The following GFOD2 variants were observed in gnomAD, a reference collection of about 807,000 sequenced individuals.
GFOD2 encodes the protein glucose-fructose oxidoreductase domain-containing protein 2.
A neutral mutation model predicts 24.6 loss-of-function variants in GFOD2; 9 were observed. That is an observed-to-expected ratio of 0.37 (90% CI 0.22 to 0.64). The LOEUF is 0.64. Ranked by LOEUF, GFOD2 falls within the 30% of genes least tolerant of loss-of-function variation. The pLI, the probability that GFOD2 is intolerant of heterozygous loss-of-function variation, is 0.65. For synonymous variants in GFOD2, 211 were observed against 224.8 expected, an observed-to-expected ratio of 0.94 and a Z score of 0.55; for missense variants, 476 against 532.5, an observed-to-expected ratio of 0.89 and a Z score of 1.04.
intron 1 of GFOD2, among the ~76,000 whole-genome samples, chr16:67,688,424 T>C (rs577571999): frequency 1.3e-5 from 2 of 152,330 alleles, no homozygotes; most frequent in Admixed American, 6.5e-5. Flanking sequence ...GTCTTATTCA[T>C]TGTAGAGTTT....
At chr16:67,692,452 C>T (rs926227048) in intron 1 of GFOD2, among the ~76,000 whole-genome samples, 3 of 151,796 alleles carry the variant, frequency 2.0e-5, no homozygotes, top group Non-Finnish European at 2.9e-5. Context: ...TGATTGTGCA[C>T]GCCTGTAGTC....
chr16:67,683,215 C>T, intron 2 of GFOD2: 1 of 1,036,550 alleles, frequency 9.6e-7, no homozygotes, highest in Non-Finnish European at 1.2e-6. Flanking sequence ...GATGCTGCTG[C>T]TGGTGGAGCA....
intron 1 of GFOD2, among the ~76,000 whole-genome samples, chr16:67,686,377 T>G (rs889714568): frequency 2.0e-5 from 3 of 152,312 alleles, no homozygotes; most frequent in Admixed American, 2.0e-4. Flanking sequence ...GGAAAATGAA[T>G]AAAGTTGAGT....
intron 1 of GFOD2, among the ~76,000 whole-genome samples, chr16:67,691,256 G>A (rs758214422): frequency 1.3e-5 from 2 of 152,102 alleles, no homozygotes; most frequent in Non-Finnish European, 2.9e-5. Context: ...TGCCCAGGCT[G>A]GAGTGCAATG....
rs1303727934 is a variant in GFOD2 at position 67,687,072 on chromosome 16, T to G, written c.-87-1270A>C. 2.1e-4 allele frequency among the ~76,000 whole-genome samples: 30 copies of G among 145,448 alleles called. No individual in the cohort carries two copies. The East Asian group carries it at 5.8e-3, about 28-fold the overall frequency. The stretch of plus-strand genomic sequence containing the variant: ...CTGAGGCAGGAGAATCACTTGAACC[T>G]GGGAGGTGAAAGTTGCAGTGATCTG... On this transcript the variant is annotated intron_variant, in intron 1 of 2. Transcript: ENST00000268797.
At chr16:67,701,785 TAA>T (rs1423659211) in intron 1 of GFOD2, among the ~76,000 whole-genome samples, 74 of 132,332 alleles carry the variant, frequency 5.6e-4, no homozygotes, top group Admixed American at 8.4e-4. Flanking sequence ...TGACCCCACT[TAA>T]AAAAAAAAAA....
chr16:67,697,947 T>C (rs2053370167), intron 1 of GFOD2, among the ~76,000 whole-genome samples: 1 of 152,174 alleles, frequency 6.6e-6, no homozygotes, highest in African/African-American at 2.4e-5. Context: ...GTTTGGACTT[T>C]GACAGGTGGG....
chr16:67,682,599 A>G (rs2053235428), intron 2 of GFOD2: 2 of 985,356 alleles, frequency 2.0e-6, no homozygotes, highest in African/African-American at 1.7e-5. Flanking sequence ...AGGTCAGACC[A>G]AAGCAGAAAA....
rs2053178525 is a variant in GFOD2, at chr16:67,675,614, C to T, written c.699G>A (p.Val233=). The T allele has an allele frequency of 4.3e-6, 7 of 1,613,162 alleles. No homozygotes were observed. In the East Asian group the frequency reaches 8.9e-5, roughly 21 times the overall value. ...CFFQMLMGGG[V]CSTVTLNFNM... is the part of the protein sequence containing the mutation. ...TGAAGTTGAGTGTCACTGTGCTACACACACCCCCACCCATGAGCATCTGGA... is the reference window on the plus strand; with the variant it reads ...TGAAGTTGAGTGTCACTGTGCTACATACACCCCCACCCATGAGCATCTGGA... Residue 233 remains valine (V), a synonymous_variant, in exon 3 of 3, where the codon GTG becomes GTA. Coordinates refer to ENST00000268797, the MANE Select transcript of GFOD2 (RefSeq NM_030819.4).
chr16:67,698,089 C>T (rs1476212756), intron 1 of GFOD2, among the ~76,000 whole-genome samples: 3 of 152,172 alleles, frequency 2.0e-5, no homozygotes, highest in Non-Finnish European at 4.4e-5. Context: ...CTGAGTCCAG[C>T]CAAGGGAAAG....
intron 2 of GFOD2, chr16:67,685,068 C>G: frequency 5.1e-6 from 6 of 1,173,178 alleles, no homozygotes; most frequent in Non-Finnish European, 6.4e-6. Flanking sequence ...GCTACACAGC[C>G]TCTCCTTCCT....
At chr16:67,712,029 T>C (rs2053477862) in intron 1 of GFOD2, among the ~76,000 whole-genome samples, 1 of 152,222 alleles carries the variant, frequency 6.6e-6, no homozygotes, top group Admixed American at 6.6e-5. Context: ...AAATTTTTTG[T>C]CTGTTTTGTT....
intron 2 of GFOD2, chr16:67,682,254 T>C (rs1395781149): frequency 1.5e-6 from 1 of 659,200 alleles, no homozygotes; most frequent in Non-Finnish European, 1.9e-6. Flanking sequence ...GTCAGGCTGG[T>C]CTCAAACTCC....
intron 1 of GFOD2, among the ~76,000 whole-genome samples, chr16:67,707,262 G>C (rs1157418941): frequency 6.6e-6 from 1 of 151,258 alleles, no homozygotes; most frequent in East Asian, 1.9e-4. Context: ...GGAGGCTAAG[G>C]CAGGAGAATT....
At chr16:67,703,914 T>TACC (rs1380770031) in intron 1 of GFOD2, among the ~76,000 whole-genome samples, 2 of 152,214 alleles carry the variant, frequency 1.3e-5, no homozygotes, top group Non-Finnish European at 2.9e-5. Flanking sequence ...CTGCCCTAGG[T>TACC]ACCTCACATA....
At chr16:67,690,976 C>T (rs2053308247) in intron 1 of GFOD2, among the ~76,000 whole-genome samples, 2 of 152,266 alleles carry the variant, frequency 1.3e-5, no homozygotes, top group Non-Finnish European at 1.5e-5. Flanking sequence ...GATTCTCATG[C>T]CTTAGCCTCC....
intron 1 of GFOD2, among the ~76,000 whole-genome samples, chr16:67,696,323 T>C (rs1229736996): frequency 6.6e-6 from 1 of 151,090 alleles, no homozygotes; most frequent in Non-Finnish European, 1.5e-5. Context: ...GGGAATCTTT[T>C]TTTTTTTTTT....
At chr16:67,698,591 G>A (rs1432777330) in intron 1 of GFOD2, among the ~76,000 whole-genome samples, 2 of 152,118 alleles carry the variant, frequency 1.3e-5, no homozygotes, top group Non-Finnish European at 2.9e-5. Context: ...CAAGTCTCCT[G>A]CCTCAGCTTC....
chr16:67,697,671 T>C (rs1419561105), intron 1 of GFOD2, among the ~76,000 whole-genome samples: 1 of 152,194 alleles, frequency 6.6e-6, no homozygotes, highest in Non-Finnish European at 1.5e-5. Context: ...TTTTGTAACA[T>C]GTGCATGTGT....
Sources: allele counts gnomAD v4.1 joint callset (sites outside exome capture counted in the v4.1 genomes callset), GRCh38; gene constraint gnomAD v4.1.1; transcripts MANE v1.5; gene names NCBI Gene and HGNC (gene_info 2026-07-23, HGNC 2026-07-21).